LRRC4C: variants seen among roughly 807,000 people sequenced by gnomAD.
LRRC4C encodes the protein leucine rich repeat containing 4C, also known as leucine-rich repeat-containing protein 4C.
Under a neutral mutation model 33.6 loss-of-function variants are expected in LRRC4C, and 5 were observed. The observed-to-expected ratio is 0.15, with a 90% CI of 0.08 to 0.31. The LOEUF (loss-of-function observed/expected upper bound fraction) is 0.31. Ranked by LOEUF, LRRC4C falls within the 10% of genes least tolerant of loss-of-function variation. The pLI, the probability that LRRC4C is intolerant of heterozygous loss-of-function variation, is 1.00. For missense variants in LRRC4C, 560 were observed against 796.7 expected, an observed-to-expected ratio of 0.70 and a Z score of 3.58; for synonymous variants, 329 against 302.0, an observed-to-expected ratio of 1.09 and a Z score of -0.93.
intron 3 of LRRC4C, among the ~76,000 whole-genome samples, chr11:40,596,922 T>C (rs1301999610): frequency 6.6e-6 from 1 of 152,176 alleles, no homozygotes; most frequent in Non-Finnish European, 1.5e-5. Flanking sequence ...CATATACCCA[T>C]GGAATATTAT....
At chr11:40,582,815 C>G (rs1958533697) in intron 3 of LRRC4C, among the ~76,000 whole-genome samples, 1 of 143,782 alleles carries the variant, frequency 7.0e-6, no homozygotes, top group Non-Finnish European at 1.6e-5. Flanking sequence ...CCACGCCCAG[C>G]CTGTTCAATT....
intron 5 of LRRC4C, among the ~76,000 whole-genome samples, chr11:40,191,822 T>C (rs372199963): frequency 5.9e-5 from 9 of 152,052 alleles, no homozygotes; most frequent in African/African-American, 2.2e-4. Flanking sequence ...TAGCCAGCCA[T>C]AGTGGCATGC....
chr11:40,402,684 A>G (rs1210680535), intron 3 of LRRC4C, among the ~76,000 whole-genome samples: 1 of 152,138 alleles, frequency 6.6e-6, no homozygotes, highest in Non-Finnish European at 1.5e-5. Flanking sequence ...CCAATAAGTC[A>G]GAGAGCTAAT....
chr11:40,706,058 A>C (rs1946154600), intron 2 of LRRC4C, among the ~76,000 whole-genome samples: 1 of 150,468 alleles, frequency 6.6e-6, no homozygotes, highest in Admixed American at 6.6e-5. Flanking sequence ...GGGTTATTTG[A>C]TTTTTTTTTC....
rs531483335 is a variant in LRRC4C at position 41,338,100 on chromosome 11, A to C, written c.-496+121331T>G. Among the ~76,000 whole-genome samples, 4 of 152,328 alleles carry C rather than the reference A, an allele frequency of 2.6e-5. No homozygotes were observed. The South Asian group carries it at 8.3e-4, about 32-fold the overall frequency. ...ACACTGTTGGTAGGTTAAATGGTTA[A>C]ATTAATTCAACCATTGTGGAGACAG... On this transcript the variant is annotated intron_variant, in intron 1 of 6. Transcript: ENST00000528697.
chr11:41,440,276 G>A (rs965508293), intron 1 of LRRC4C, among the ~76,000 whole-genome samples: 5 of 152,006 alleles, frequency 3.3e-5, no homozygotes, highest in Non-Finnish European at 7.4e-5. Context: ...GAGTTTGTCT[G>A]TCCACTCTAG....
At chr11:40,831,445 T>G (rs1335779157) in intron 2 of LRRC4C, among the ~76,000 whole-genome samples, 1 of 152,084 alleles carries the variant, frequency 6.6e-6, no homozygotes, top group African/African-American at 2.4e-5. Flanking sequence ...GAAGGTCACA[T>G]AAATTCAAAG....
chr11:40,203,778 G>A (rs1862938392), intron 5 of LRRC4C, among the ~76,000 whole-genome samples: 1 of 152,114 alleles, frequency 6.6e-6, no homozygotes, highest in Admixed American at 6.5e-5. Context: ...TAAAAATGCA[G>A]GCATTTCATC....
At chr11:41,274,794 C>T (rs2136874111) in intron 1 of LRRC4C, among the ~76,000 whole-genome samples, 1 of 152,204 alleles carries the variant, frequency 6.6e-6, no homozygotes, top group Non-Finnish European at 1.5e-5. Context: ...AGAGCTGTAA[C>T]AGTCACTGCG....
intron 3 of LRRC4C, among the ~76,000 whole-genome samples, chr11:40,594,874 T>C (rs1274347548): frequency 6.6e-6 from 1 of 152,166 alleles, no homozygotes; most frequent in East Asian, 1.9e-4. Context: ...ATGTTCTGTA[T>C]AACTGAGCTT....
At chr11:40,186,856 T>A (rs998353167) in intron 5 of LRRC4C, among the ~76,000 whole-genome samples, 3 of 152,118 alleles carry the variant, frequency 2.0e-5, no homozygotes, top group African/African-American at 7.2e-5. Context: ...TTTAAGCAAA[T>A]CCTCTCACCC....
At chr11:41,081,090 T>C (rs1005652551) in intron 1 of LRRC4C, among the ~76,000 whole-genome samples, 1 of 152,176 alleles carries the variant, frequency 6.6e-6, no homozygotes, top group African/African-American at 2.4e-5. Flanking sequence ...TGGAGAGTCA[T>C]AGGAAAGACA....
chr11:41,073,843 T>C (rs867928505), intron 1 of LRRC4C, among the ~76,000 whole-genome samples: 9 of 152,280 alleles, frequency 5.9e-5, no homozygotes, highest in South Asian at 2.1e-4. Flanking sequence ...CTACATAGTA[T>C]CACATTGAGT....
chr11:41,295,482 G>A (rs1467458900), intron 1 of LRRC4C, among the ~76,000 whole-genome samples: 1 of 152,146 alleles, frequency 6.6e-6, no homozygotes, highest in Non-Finnish European at 1.5e-5. Context: ...GGTTTTAGAT[G>A]ACGTGGTTTC....
chr11:41,387,356 C>T (rs964232045), intron 1 of LRRC4C, among the ~76,000 whole-genome samples: 1 of 151,656 alleles, frequency 6.6e-6, no homozygotes, highest in Non-Finnish European at 1.5e-5. Flanking sequence ...GAACACCTGA[C>T]TGAATCAGTG....
chr11:40,429,923 C>G (rs2137836039), intron 3 of LRRC4C, among the ~76,000 whole-genome samples: 1 of 152,208 alleles, frequency 6.6e-6, no homozygotes, highest in Admixed American at 6.5e-5. Flanking sequence ...GAAATATGAC[C>G]TAAGCTATTA....
At chr11:41,371,167 T>C (rs569696496) in intron 1 of LRRC4C, among the ~76,000 whole-genome samples, 13 of 152,304 alleles carry the variant, frequency 8.5e-5, no homozygotes, top group Non-Finnish European at 1.6e-4. Context: ...AGCCCTGAAA[T>C]TGGGGTAGGG....
At chr11:40,791,085 T>A (rs896764838) in intron 2 of LRRC4C, among the ~76,000 whole-genome samples, 5 of 152,180 alleles carry the variant, frequency 3.3e-5, no homozygotes, top group African/African-American at 1.2e-4. Context: ...GTTTTTTGTG[T>A]TCCAGATAAG....
chr11:40,201,990 A>G (rs1326902817), intron 5 of LRRC4C, among the ~76,000 whole-genome samples: 1 of 152,128 alleles, frequency 6.6e-6, no homozygotes, highest in Non-Finnish European at 1.5e-5. Context: ...CTAGAGACCC[A>G]AGGTGTTAGA....
Sources: allele counts gnomAD v4.1 joint callset (sites outside exome capture counted in the v4.1 genomes callset), GRCh38; gene constraint gnomAD v4.1.1; transcripts MANE v1.5; gene names NCBI Gene and HGNC (gene_info 2026-07-23, HGNC 2026-07-21).